CAST: variants seen among roughly 807,000 people sequenced by gnomAD.
CAST encodes the protein calpastatin.
CAST carries 76 observed loss-of-function variants against 119.6 expected under a neutral mutation model. That is an observed-to-expected ratio of 0.64 (90% CI 0.53 to 0.77). The LOEUF (loss-of-function observed/expected upper bound fraction) is 0.77. CAST is among the 30% of genes least tolerant of loss of function. The pLI is 0.00. For missense variants in CAST, 953 were observed against 946.5 expected (o/e 1.01, Z -0.09); for synonymous variants, 319 against 331.6 (o/e 0.96, Z 0.41).
At chr5:96,346,653 G>A in the CAST span, among the ~76,000 whole-genome samples, 8 of 152,148 alleles carry the variant, frequency 5.3e-5, no homozygotes, top group East Asian at 1.9e-4. Context: ...ATAATGTATC[G>A]TCTGTAAGCT....
At chr5:96,644,892 C>T (rs1747996127) in intron 1 of CAST, among the ~76,000 whole-genome samples, 1 of 152,194 alleles carries the variant, frequency 6.6e-6, no homozygotes, top group African/African-American at 2.4e-5. Flanking sequence ...AGGAGAATCG[C>T]TTGAGCCTGG....
At chr5:96,514,545 A>G in the CAST span, among the ~76,000 whole-genome samples, 1 of 152,202 alleles carries the variant, frequency 6.6e-6, no homozygotes, top group African/African-American at 2.4e-5. Context: ...GTAGTTGATC[A>G]AAACTATACT....
At chr5:96,076,729 C>T in the CAST span, among the ~76,000 whole-genome samples, 1 of 152,040 alleles carries the variant, frequency 6.6e-6, no homozygotes. Context: ...AAAGTAATAA[C>T]CATCAAGCTC....
At chr5:96,531,892 A>G (rs950712027) in intron 1 of CAST, among the ~76,000 whole-genome samples, 1 of 152,232 alleles carries the variant, frequency 6.6e-6, no homozygotes, top group Non-Finnish European at 1.5e-5. Context: ...ATTCAACAAA[A>G]GGAAAATTCA....
chr5:96,698,502 G>A (rs753905714), intron 3 of CAST, among the ~76,000 whole-genome samples: 1 of 151,856 alleles, frequency 6.6e-6, no homozygotes, highest in Non-Finnish European at 1.5e-5. Context: ...AGTTCTCCAG[G>A]GTTTGATTCT....
At chr5:96,336,285 G>C in the CAST span, among the ~76,000 whole-genome samples, 1 of 152,150 alleles carries the variant, frequency 6.6e-6, no homozygotes, top group African/African-American at 2.4e-5. Flanking sequence ...CAATAAATAT[G>C]TTTTACTCCA....
chr5:96,173,849 T>C, the CAST span, among the ~76,000 whole-genome samples: 1 of 151,978 alleles, frequency 6.6e-6, no homozygotes, highest in Non-Finnish European at 1.5e-5. Flanking sequence ...CACACCATTC[T>C]CCTGCCTCAG....
chr5:96,177,693 T>A, the CAST span, among the ~76,000 whole-genome samples: 1 of 152,204 alleles, frequency 6.6e-6, no homozygotes, highest in Non-Finnish European at 1.5e-5. Context: ...ACCTTAAGCA[T>A]GTAAAATCTC....
intron 1 of CAST, among the ~76,000 whole-genome samples, chr5:96,632,727 C>T (rs149703549): frequency 3.3e-5 from 5 of 151,556 alleles, no homozygotes; most frequent in Non-Finnish European, 7.4e-5. Context: ...GCACCCTTGT[C>T]AAAATCAATT....
the CAST span, among the ~76,000 whole-genome samples, chr5:96,097,739 C>G: frequency 0.016 from 2,399 of 152,220 alleles, 52 homozygotes; most frequent in African/African-American, 0.054. Flanking sequence ...CATTGATGGG[C>G]ATTTAGGTTG....
At chr5:96,149,307 G>T in the CAST span, among the ~76,000 whole-genome samples, 1 of 152,182 alleles carries the variant, frequency 6.6e-6, no homozygotes, top group East Asian at 1.9e-4. Flanking sequence ...ACCCCACAGT[G>T]CCTTATTGAT....
the CAST span, among the ~76,000 whole-genome samples, chr5:96,357,510 A>T: frequency 6.6e-6 from 1 of 152,178 alleles, no homozygotes; most frequent in African/African-American, 2.4e-5. Context: ...CCTTCCAACG[A>T]TACCTAGTTT....
chr5:96,165,586 G>A, the CAST span, among the ~76,000 whole-genome samples: 1 of 152,032 alleles, frequency 6.6e-6, no homozygotes, highest in Non-Finnish European at 1.5e-5. Context: ...CTATTTACAA[G>A]TAACAACATA....
intron 1 of CAST, among the ~76,000 whole-genome samples, chr5:96,564,195 A>G (rs1746430827): frequency 6.6e-6 from 1 of 152,212 alleles, no homozygotes. Flanking sequence ...ATTTTATAGG[A>G]AATAGGTACA....
At chr5:96,345,062 G>C in the CAST span, among the ~76,000 whole-genome samples, 1 of 152,092 alleles carries the variant, frequency 6.6e-6, no homozygotes. Flanking sequence ...TTTGTATTTT[G>C]CACATCGCTT....
the CAST span, among the ~76,000 whole-genome samples, chr5:96,231,765 T>C: frequency 6.6e-6 from 1 of 151,494 alleles, no homozygotes; most frequent in African/African-American, 2.4e-5. Flanking sequence ...TTACTAGAAA[T>C]AAAAACATAA....
the CAST span, among the ~76,000 whole-genome samples, chr5:96,335,378 G>T: frequency 6.6e-6 from 1 of 152,092 alleles, no homozygotes; most frequent in African/African-American, 2.4e-5. Flanking sequence ...TGTTTCTGGG[G>T]CATTTGGCCA....
the CAST span, among the ~76,000 whole-genome samples, chr5:96,203,517 C>T: frequency 6.6e-6 from 1 of 151,872 alleles, no homozygotes; most frequent in Non-Finnish European, 1.5e-5. Flanking sequence ...TCTAGTGGCA[C>T]ATCTAATTTT....
intron 1 of CAST, among the ~76,000 whole-genome samples, chr5:96,641,640 T>C (rs181973327): frequency 6.6e-6 from 1 of 152,314 alleles, no homozygotes; most frequent in East Asian, 1.9e-4. Context: ...GTTCCAGCCA[T>C]GCCCTCCTAC....
Sources: gnomAD v4.1 joint callset for allele counts (sites outside exome capture counted in the v4.1 genomes callset) on GRCh38, gnomAD v4.1.1 for gene constraint, MANE v1.5 for transcripts, NCBI Gene and HGNC (gene_info 2026-07-23, HGNC 2026-07-21) for gene names.